The following SKA1 variants were observed in gnomAD, a reference collection of about 807,000 sequenced individuals.
SKA1 encodes the protein SKA complex subunit 1.
Under a neutral mutation model 31.8 loss-of-function variants are expected in SKA1, and 20 were observed. That is an observed-to-expected ratio of 0.63 (90% CI 0.44 to 0.91). The LOEUF (loss-of-function observed/expected upper bound fraction) is 0.91. Among genes scored for constraint, SKA1 ranks in the 40% least tolerant of loss-of-function variants. The probability of loss-of-function intolerance (pLI) is 0.00; values close to 1 mark genes in which losing one functional copy is unlikely to be tolerated. For synonymous variants in SKA1, 88 were observed against 100.5 expected, an observed-to-expected ratio of 0.88 and a Z score of 0.74; for missense variants, 253 against 298.2, an observed-to-expected ratio of 0.85 and a Z score of 1.12.
rs1443033352 is a variant in SKA1 at position 50,391,113 on chromosome 18, C to CT, written c.450-5dup. Reference sequence around the variant, plus strand: ...CTTTAAAACAATAATTAGCCATATACTTTTTTACAGGTACATGAAATCCCG... The same window carrying CT: ...CTTTAAAACAATAATTAGCCATATACTTTTTTTACAGGTACATGAAATCCCG... On this transcript the variant is annotated splice_polypyrimidine_tract_variant and intron_variant, in intron 5 of 6. Transcript: ENST00000285116. The CT allele has an allele frequency of 1.4e-6, 2 of 1,480,202 alleles. No individual in the cohort carries two copies. The highest frequency in any genetic ancestry group is 1.8e-6 in the Non-Finnish European group (2 of 1,103,908). 91.7% of individuals were successfully genotyped at this position (1,480,202 alleles called of 1,614,324 possible).
intron 4 of SKA1, among the ~76,000 whole-genome samples, chr18:50,383,261 T>A (rs2041276973): frequency 6.6e-6 from 1 of 152,168 alleles, no homozygotes. Context: ...CTTCTAAGAT[T>A]TCATTTTGCA....
intron 2 of SKA1, 112 bp from the exon 3 acceptor site, chr18:50,380,013 CT>C: frequency 2.4e-5 from 21 of 883,226 alleles, no homozygotes; most frequent in East Asian, 3.1e-5. Context: ...AGCAGTAGAC[CT>C]TTTTCCACCC....
At chr18:50,377,097 G>A (rs886972151) in intron 2 of SKA1, among the ~76,000 whole-genome samples, 1 of 151,432 alleles carries the variant, frequency 6.6e-6, no homozygotes, top group Non-Finnish European at 1.5e-5. Context: ...ACAAAGTATT[G>A]TATAGTAAAT....
In SKA1 at chr18:50,375,858, T is replaced by C. The variant is rs763496445; in HGVS notation, c.28T>C (p.Cys10Arg). The C allele has an allele frequency of 1.2e-6, 2 of 1,611,628 alleles. No individual in the cohort carries two copies. The highest frequency in any genetic ancestry group is 2.2e-5 in the East Asian group (1 of 44,826). MASSDLEQL[C>R]SHVNEKIGNI... The stretch of plus-strand genomic sequence containing the variant: ...GGCCTCGTCAGATCTGGAACAATTA[T>C]GCTCTCATGTTAATGAAAAGATTGG... Residue 10 changes from cysteine (C) to arginine (R), a missense_variant, in exon 2 of 7, where the codon TGC (cysteine) becomes CGC (arginine). Physicochemically the swap from Cys to Arg is radical, Grantham distance 180 (BLOSUM62 -3). Coordinates refer to ENST00000285116, the MANE Select transcript of SKA1 (RefSeq NM_145060.4).
chr18:50,389,375 C>CTTTTTTTTTTTTTTTTTTTTT (rs756288352), intron 5 of SKA1, among the ~76,000 whole-genome samples: 17 of 86,142 alleles, frequency 2.0e-4, no homozygotes, highest in African/African-American at 6.0e-4. Flanking sequence ...CTTTACCTTT[C>CTTTTTTTTTTTTTTTTTTTTT]TTTTTTTTTT....
Position 50,375,684 on chromosome 18 carries a change from A to C in SKA1, c.-11-136A>C, listed in dbSNP as rs2041208691. 37 of 602,794 alleles carry C rather than the reference A, an allele frequency of 6.1e-5. No individual in the cohort carries two copies. In the South Asian group the frequency reaches 7.9e-4, roughly 13 times the overall value. 37.3% of individuals were successfully genotyped at this position (602,794 alleles called of 1,614,324 possible). On this transcript the variant is annotated intron_variant, in intron 1 of 6. Transcript: ENST00000285116. ...AACTGAATGTTGTAGAAATGAAAGA[A>C]ATTGCTCTTGAATTTTTGTGCTTAA...
chr18:50,379,036 C>G (rs1215340523), intron 2 of SKA1, among the ~76,000 whole-genome samples: 2 of 149,638 alleles, frequency 1.3e-5, no homozygotes, highest in Non-Finnish European at 3.0e-5. Context: ...GGCCTTCTAC[C>G]TGGTTCACTC....
rs181432987 is a variant in SKA1 at position 50,393,625 on chromosome 18, T to C, written c.*1378T>C. 6.6e-6 allele frequency: 1 copy of C among 152,268 alleles called. No individual in the cohort carries two copies. The highest frequency in any genetic ancestry group is 1.9e-4 in the East Asian group (1 of 5,182). 9.4% of individuals were successfully genotyped at this position (152,268 alleles called of 1,614,324 possible). On this transcript the variant is annotated 3_prime_UTR_variant, in exon 7 of 7. Transcript: ENST00000285116. Reference sequence around the variant, plus strand: ...GAGTTGATGTGATAATGTGATATAATAAGAAATATATATTTGATCTTCCTA... The same window carrying C: ...GAGTTGATGTGATAATGTGATATAACAAGAAATATATATTTGATCTTCCTA...
At chr18:50,377,992 A>T (rs1366960913) in intron 2 of SKA1, among the ~76,000 whole-genome samples, 1 of 152,186 alleles carries the variant, frequency 6.6e-6, no homozygotes, top group Non-Finnish European at 1.5e-5. Flanking sequence ...TGGCTGGCCC[A>T]GGTCCCTCAG....
rs1409549014 is a variant in SKA1, at chr18:50,385,228, A to C, written c.324A>C (p.Ser108=). The C allele has an allele frequency of 5.0e-6, 8 of 1,612,764 alleles. No individual in the cohort carries two copies. Among genetic ancestry groups the C allele is most frequent in the Non-Finnish European group, 5.9e-6 (7 of 1,179,560 alleles). ...VTVTQSCVKG[S]DLDPEEPIKV... ...CTGTATTCTGTAGTGTTAAGGGATC[A>C]GATCTTGATCCTGAAGAACCAATCA... The change falls in exon 5 of 7, where the codon TCA becomes TCC. Residue 108 remains serine (S), a synonymous_variant. Transcript: ENST00000285116.
chr18:50,392,274 A>G lies in SKA1; in HGVS notation c.*27A>G, dbSNP rs1391172121. 6.8e-7 allele frequency: 1 copy of G among 1,475,216 alleles called. No individual in the cohort carries two copies. The highest frequency in any genetic ancestry group is 1.4e-5 in the African/African-American group (1 of 70,408). The allele number at this position is 1,475,216 out of a possible 1,614,324, so 91.4% of individuals were successfully genotyped here. On this transcript the variant is annotated 3_prime_UTR_variant, in exon 7 of 7. Coordinates refer to ENST00000285116, the MANE Select transcript of SKA1 (RefSeq NM_145060.4). ...TCCCTTGTGAACTTTTGAACATACCAACAGGGTATAGAGTATAGAGGCTAT... is the reference window on the plus strand; with the variant it reads ...TCCCTTGTGAACTTTTGAACATACCGACAGGGTATAGAGTATAGAGGCTAT...
Position 50,379,619 on chromosome 18 carries a change from A to G in SKA1, c.89-507A>G, listed in dbSNP as rs552342954. ...CCAACACCCTGTGTTTTAAAGCCCCAAAACCTTGGATCTTATCCCTATTAA... is the reference window on the plus strand; with the variant it reads ...CCAACACCCTGTGTTTTAAAGCCCCGAAACCTTGGATCTTATCCCTATTAA... On this transcript the variant is annotated intron_variant, in intron 2 of 6. Transcript: ENST00000285116. Among the ~76,000 whole-genome samples the G allele has an allele frequency of 7.2e-5, 11 of 152,330 alleles. No individual in the cohort carries two copies. In the East Asian group the frequency reaches 1.9e-3, roughly 27 times the overall value.
chr18:50,384,267 AGG>A, intron 4 of SKA1, among the ~76,000 whole-genome samples: 1 of 152,298 alleles, frequency 6.6e-6, no homozygotes, highest in East Asian at 1.9e-4. Flanking sequence ...GAAATATTAC[AGG>A]TATTTCTTAT....
intron 4 of SKA1, 131 bp from the exon 5 acceptor site, chr18:50,385,085 G>A: frequency 1.4e-6 from 1 of 709,648 alleles, no homozygotes; most frequent in South Asian, 2.8e-5. Flanking sequence ...CATAGGGATA[G>A]AAAAAAATGT....
In SKA1 at chr18:50,385,274, G is replaced by A. The variant is rs371255458; in HGVS notation, c.370G>A (p.Val124Ile). 2.4e-5 allele frequency: 38 copies of A among 1,613,378 alleles called. No individual in the cohort carries two copies. Among genetic ancestry groups the A allele is most frequent in the Middle Eastern group, 1.6e-4 (1 of 6,076 alleles). Residue 124 changes from valine (V) to isoleucine (I), a missense_variant, in exon 5 of 7, where the codon GTA (valine) becomes ATA (isoleucine). Coordinates refer to ENST00000285116, the MANE Select transcript of SKA1 (RefSeq NM_145060.4). ...AATCAAAGTTGAAGAACCTGAACCCGTAAAGAAGCCTCCCAAAGAGCAAAG... is the reference window on the plus strand; with the variant it reads ...AATCAAAGTTGAAGAACCTGAACCCATAAAGAAGCCTCCCAAAGAGCAAAG... The part of the protein sequence containing the change: ...EPIKVEEPEP[V>I]KKPPKEQRSI...
At chr18:50,376,130 G>A (rs758045562) in intron 2 of SKA1, among the ~76,000 whole-genome samples, 2 of 152,158 alleles carry the variant, frequency 1.3e-5, no homozygotes, top group Admixed American at 6.5e-5. Context: ...ATATTCATTA[G>A]AATTATTTAC....
chr18:50,384,448 G>C (rs1040848477), intron 4 of SKA1, among the ~76,000 whole-genome samples: 2 of 152,008 alleles, frequency 1.3e-5, no homozygotes, highest in African/African-American at 2.4e-5. Context: ...ATATTAGTCG[G>C]CTTCTCACTC....
Position 50,392,159 on chromosome 18 carries a change from A to C in SKA1, c.680A>C (p.Lys227Thr), listed in dbSNP as rs778126948. 1.2e-6 allele frequency: 2 copies of C among 1,610,510 alleles called. No homozygotes were observed. The highest frequency in any genetic ancestry group is 3.4e-5 in the Admixed American group (2 of 58,660). The change falls in exon 7 of 7, where the codon AAG becomes ACG. Residue 227 changes from lysine (K) to threonine (T), a missense_variant. Coordinates refer to ENST00000285116, the MANE Select transcript of SKA1 (RefSeq NM_145060.4). The stretch of plus-strand genomic sequence containing the variant: ...TTCACAACTTTGAAAGCTGACAAGA[A>C]GTTTCACGTGTTACTGAATATTTTA... ...KEFTTLKADK[K>T]FHVLLNILRH...
In SKA1 at chr18:50,382,194, C is replaced by A; in HGVS notation, c.279C>A (p.Ser93=). 2 of 1,532,600 alleles carry A rather than the reference C, an allele frequency of 1.3e-6. No homozygotes were observed. Among genetic ancestry groups the A allele is most frequent in the East Asian group, 2.6e-5 (1 of 38,836 alleles). 94.9% of individuals were successfully genotyped at this position (1,532,600 alleles called of 1,614,324 possible). A position where few individuals can be genotyped will look rare whatever the true frequency, so the allele number is the denominator to read the frequency against. The change falls in exon 4 of 7, where the codon TCC becomes TCA. Residue 93 remains serine (S), a synonymous_variant. Coordinates refer to ENST00000285116, the MANE Select transcript of SKA1 (RefSeq NM_145060.4). ...AACATCTTAAAGAAAACGTTCCTTC[C>A]CATTTGCCTCAAGTAACAGTAACCC... ...DIEHLKENVP[S]HLPQVTVTQS... is the part of the protein sequence containing the mutation.
Sources: gnomAD v4.1 joint callset for allele counts (sites outside exome capture counted in the v4.1 genomes callset) on GRCh38, gnomAD v4.1.1 for gene constraint, MANE v1.5 for transcripts, NCBI Gene and HGNC (gene_info 2026-07-23, HGNC 2026-07-21) for gene names.